The following RIC1 variants were observed in gnomAD, a reference collection of about 807,000 sequenced individuals.
RIC1 encodes the protein guanine nucleotide exchange factor subunit RIC1.
A neutral mutation model predicts 169.0 loss-of-function variants in RIC1; 88 were observed. That is an observed-to-expected ratio of 0.52 (90% CI 0.44 to 0.62). The LOEUF is 0.62. Among genes scored for constraint, RIC1 ranks in the 20% least tolerant of loss-of-function variants. The pLI, the probability that RIC1 is intolerant of heterozygous loss-of-function variation, is 0.00. For missense variants in RIC1, 1,877 were observed against 1,725.5 expected (o/e 1.09, Z -1.56); for synonymous variants, 790 against 601.5 (o/e 1.31, Z -4.59).
chr9:5,669,868 G>A (rs1819988984), intron 2 of RIC1, among the ~76,000 whole-genome samples: 1 of 152,176 alleles, frequency 6.6e-6, no homozygotes, highest in Non-Finnish European at 1.5e-5. Flanking sequence ...GCTGAAGACA[G>A]ACCAGGGTGA....
At chr9:5,760,173 G>C (rs903414916) in intron 17 of RIC1, among the ~76,000 whole-genome samples, 3 of 152,196 alleles carry the variant, frequency 2.0e-5, no homozygotes, top group African/African-American at 4.8e-5. Flanking sequence ...CCATGAGAGT[G>C]AGCTCCTTGT....
intron 22 of RIC1, 138 bp from the exon 23 acceptor site, chr9:5,769,949 A>G: frequency 1.5e-6 from 1 of 670,664 alleles, no homozygotes; most frequent in Non-Finnish European, 2.4e-6. Flanking sequence ...TGGCTGATAC[A>G]GTACAGGACA....
chr9:5,709,595 A>G (rs1447819069), intron 3 of RIC1, among the ~76,000 whole-genome samples: 1 of 152,128 alleles, frequency 6.6e-6, no homozygotes, highest in East Asian at 1.9e-4. Flanking sequence ...CTCTATTCCT[A>G]TTCTCCTGGC....
chr9:5,641,480 A>T (rs1818243800), intron 1 of RIC1, among the ~76,000 whole-genome samples: 1 of 152,116 alleles, frequency 6.6e-6, no homozygotes, highest in Non-Finnish European at 1.5e-5. Context: ...TAGGTTTGGG[A>T]AGTTCTCTCT....
At chr9:5,742,823 C>G in intron 8 of RIC1, 46 bp from the exon 9 acceptor site, 33 of 1,064,090 alleles carry the variant, frequency 3.1e-5, no homozygotes, top group Non-Finnish European at 3.9e-5. Flanking sequence ...ACAAGTATTT[C>G]TGAAGCAACT....
intron 2 of RIC1, among the ~76,000 whole-genome samples, chr9:5,686,673 G>T (rs1229707225): frequency 4.6e-5 from 7 of 151,498 alleles, no homozygotes; most frequent in African/African-American, 1.7e-4. Flanking sequence ...ATATACCTAA[G>T]GCTAGATGAC....
rs567050571 is a variant in RIC1 at position 5,703,279 on chromosome 9, A to T, written c.333-10617A>T. Reference sequence around the variant, plus strand: ...GGGAAGAATCAGCCAAAAGAAAGGGACTATAAGCCCCGTGCAGATCTGAAA... The same window carrying T: ...GGGAAGAATCAGCCAAAAGAAAGGGTCTATAAGCCCCGTGCAGATCTGAAA... On this transcript the variant is annotated intron_variant, in intron 3 of 25. Transcript: ENST00000414202. Among the ~76,000 whole-genome samples, 30 of 152,344 alleles carry T rather than the reference A, an allele frequency of 2.0e-4. 1 individual carries two copies. In the South Asian group the frequency reaches 4.3e-3, roughly 22 times the overall value.
chr9:5,768,569 G>T (rs112640534), intron 21 of RIC1, among the ~76,000 whole-genome samples: 4 of 152,250 alleles, frequency 2.6e-5, no homozygotes, highest in African/African-American at 9.6e-5. Context: ...ATGTCTGCAT[G>T]ACTCACACTG....
intron 3 of RIC1, 60 bp downstream of exon 3, chr9:5,690,098 A>G (rs1012337625): frequency 2.5e-6 from 3 of 1,189,404 alleles, no homozygotes; most frequent in African/African-American, 3.1e-5. Context: ...ATTCAGAAAA[A>G]CATTACAGTT....
At chr9:5,633,000 G>A (rs896267680) in intron 1 of RIC1, among the ~76,000 whole-genome samples, 6 of 152,174 alleles carry the variant, frequency 3.9e-5, no homozygotes, top group African/African-American at 9.7e-5. Flanking sequence ...AAGGGATGAA[G>A]AGACATGTTA....
At chr9:5,632,851 A>G (rs1345638468) in intron 1 of RIC1, among the ~76,000 whole-genome samples, 8 of 152,206 alleles carry the variant, frequency 5.3e-5, no homozygotes, top group Admixed American at 5.2e-4. Context: ...ATATGTGAAC[A>G]TCAGAATGGT....
At chr9:5,648,585 C>T (rs1051909253) in intron 1 of RIC1, among the ~76,000 whole-genome samples, 6 of 152,096 alleles carry the variant, frequency 3.9e-5, no homozygotes, top group African/African-American at 7.2e-5. Context: ...TTTTACTTTT[C>T]GAGAAATCTT....
intron 2 of RIC1, among the ~76,000 whole-genome samples, chr9:5,686,546 A>G (rs1052040987): frequency 2.7e-5 from 4 of 149,218 alleles, no homozygotes; most frequent in East Asian, 2.0e-4. Context: ...CAAACACCGC[A>G]TATTCTCACT....
intron 1 of RIC1, among the ~76,000 whole-genome samples, chr9:5,635,499 G>A (rs777940342): frequency 2.0e-5 from 3 of 152,110 alleles, no homozygotes; most frequent in East Asian, 1.9e-4. Flanking sequence ...ATATGCATGC[G>A]TGGTTTTATT....
intron 2 of RIC1, among the ~76,000 whole-genome samples, chr9:5,668,702 C>T (rs561209637): frequency 2.0e-5 from 3 of 152,010 alleles, no homozygotes; most frequent in African/African-American, 7.2e-5. Flanking sequence ...AGTTACTGTA[C>T]TTTTTATCTT....
At chr9:5,690,250 A>G (rs1325424970) in intron 3 of RIC1, among the ~76,000 whole-genome samples, 2 of 152,162 alleles carry the variant, frequency 1.3e-5, no homozygotes, top group African/African-American at 2.4e-5. Flanking sequence ...CTATATCAAG[A>G]CTATTTTCTT....
intron 1 of RIC1, among the ~76,000 whole-genome samples, chr9:5,654,461 T>C (rs1818972970): frequency 6.6e-6 from 1 of 152,140 alleles, no homozygotes; most frequent in Non-Finnish European, 1.5e-5. Flanking sequence ...GTTGGCGGGC[T>C]GGTCTCGAAC....
intron 1 of RIC1, among the ~76,000 whole-genome samples, chr9:5,645,461 A>G (rs913708210): frequency 3.9e-5 from 6 of 152,222 alleles, no homozygotes; most frequent in Admixed American, 1.3e-4. Context: ...GTACATTCAC[A>G]TTATCATGTA....
chr9:5,733,413 A>G (rs1209060248), intron 7 of RIC1, among the ~76,000 whole-genome samples: 3 of 151,488 alleles, frequency 2.0e-5, no homozygotes, highest in Non-Finnish European at 4.4e-5. Context: ...GCAGGCGCCC[A>G]CCACCATGCC....
Sources: gnomAD v4.1 joint callset for allele counts (sites outside exome capture counted in the v4.1 genomes callset) on GRCh38, gnomAD v4.1.1 for gene constraint, MANE v1.5 for transcripts, NCBI Gene and HGNC (gene_info 2026-07-23, HGNC 2026-07-21) for gene names.